The following WASHC2C variants were observed in gnomAD, a reference collection of about 807,000 sequenced individuals.
WASHC2C encodes the protein WASH complex subunit 2C, also known as Vaccinia Penetration Factor.
A neutral mutation model predicts 142.2 loss-of-function variants in WASHC2C; 73 were observed. The observed-to-expected ratio is 0.51, with a 90% CI of 0.43 to 0.62. The LOEUF is 0.62. Among genes scored for constraint, WASHC2C ranks in the 20% least tolerant of loss-of-function variants. The pLI, the probability that WASHC2C is intolerant of heterozygous loss-of-function variation, is 0.00. For synonymous variants in WASHC2C, 337 were observed against 565.5 expected, an observed-to-expected ratio of 0.60 and a Z score of 5.73; for missense variants, 969 against 1,531.7, an observed-to-expected ratio of 0.63 and a Z score of 6.13.
intron 26 of WASHC2C, chr10:45,785,836 T>C: frequency 1.0e-6 from 1 of 980,440 alleles, no homozygotes; most frequent in African/African-American, 1.7e-5. Flanking sequence ...ATCTATACTT[T>C]AATAGTTAGT....
chr10:45,733,729 T>TA (rs1215774378), intron 3 of WASHC2C, among the ~76,000 whole-genome samples: 3 of 152,222 alleles, frequency 2.0e-5, no homozygotes, highest in East Asian at 3.9e-4. Context: ...TGCCAGGTCT[T>TA]AAAGTCTCAC....
chr10:45,780,690 A>G (rs1468488610), intron 23 of WASHC2C, among the ~76,000 whole-genome samples: 2 of 152,010 alleles, frequency 1.3e-5, no homozygotes, highest in Admixed American at 6.6e-5. Flanking sequence ...GTGAAAACCA[A>G]TTGTAGTTCT....
intron 11 of WASHC2C, 134 bp downstream of exon 11, chr10:45,751,687 A>T: frequency 1.3e-6 from 2 of 1,512,846 alleles, no homozygotes; most frequent in African/African-American, 1.4e-5. Context: ...TACTTTTCTA[A>T]AGCCTCTGGG....
rs2055742678 is a variant in WASHC2C, at chr10:45,765,889, A to G, written c.1869+79A>G. The G allele has an allele frequency of 9.5e-6, 15 of 1,586,536 alleles. No homozygotes were observed. The South Asian group carries it at 1.3e-4, about 13-fold the overall frequency. On this transcript the variant is annotated intron_variant, in intron 19 of 30. Transcript: ENST00000623400. The stretch of plus-strand genomic sequence containing the variant: ...TTAAAGCCATCCCAAGTCTTTTTCT[A>G]CCTGTTTTATATCTCGTGATGTTCA...
chr10:45,757,525 C>CT (rs1335143089), intron 16 of WASHC2C, among the ~76,000 whole-genome samples: 1 of 151,830 alleles, frequency 6.6e-6, no homozygotes. Context: ...AGCTGTGAGA[C>CT]TAACAGTAAT....
chr10:45,728,558 G>A (rs2050178717), intron 2 of WASHC2C, among the ~76,000 whole-genome samples: 1 of 151,552 alleles, frequency 6.6e-6, no homozygotes, highest in Admixed American at 6.6e-5. Context: ...CCAACATGGT[G>A]AAACCCCGTC....
chr10:45,775,680 ATT>A (rs569006368), intron 21 of WASHC2C, among the ~76,000 whole-genome samples: 1 of 132,972 alleles, frequency 7.5e-6, no homozygotes. Flanking sequence ...TTTGCATTGA[ATT>A]TTTTTTTTTT....
At chr10:45,751,261 A>G (rs1344389309) in intron 10 of WASHC2C, among the ~76,000 whole-genome samples, 1 of 150,918 alleles carries the variant, frequency 6.6e-6, no homozygotes, top group African/African-American at 2.4e-5. Context: ...TGTTATGCAC[A>G]TGAGCCTGGT....
Position 45,792,908 on chromosome 10 carries a change from C to T in WASHC2C, c.*508C>T, listed in dbSNP as rs1395204360. 1 of 469,122 alleles carries T rather than the reference C, an allele frequency of 2.1e-6. No homozygotes were observed. Among genetic ancestry groups the T allele is most frequent in the East Asian group, 7.0e-5 (1 of 14,362 alleles). 29.1% of individuals were successfully genotyped at this position (469,122 alleles called of 1,614,324 possible). ...GTCCTCCAAGGCAAAGTTTGGCAAA[C>T]TGTGGCCCCCCCACTGTCATATTTT... On this transcript the variant is annotated 3_prime_UTR_variant, in exon 31 of 31. Coordinates refer to ENST00000623400, the MANE Select transcript of WASHC2C (RefSeq NM_001330074.2).
At chr10:45,733,892 A>G (rs748583608) in intron 3 of WASHC2C, among the ~76,000 whole-genome samples, 33 of 152,164 alleles carry the variant, frequency 2.2e-4, no homozygotes, top group Non-Finnish European at 4.0e-4. Flanking sequence ...TAGCACATAT[A>G]TTCTAAGTCC....
At chr10:45,753,662 G>T (rs1308366623) in intron 13 of WASHC2C, among the ~76,000 whole-genome samples, 1 of 138,650 alleles carries the variant, frequency 7.2e-6, no homozygotes, top group Non-Finnish European at 1.5e-5. Context: ...TGTATTTTTA[G>T]TAGAGACAGG....
intron 13 of WASHC2C, among the ~76,000 whole-genome samples, chr10:45,753,890 G>A (rs1461252470): frequency 1.3e-5 from 2 of 150,816 alleles, no homozygotes; most frequent in East Asian, 3.9e-4. Context: ...GTAGTTCTTG[G>A]GACTTGGGAA....
chr10:45,737,767 A>C (rs1369900758), intron 3 of WASHC2C, among the ~76,000 whole-genome samples: 2 of 150,064 alleles, frequency 1.3e-5, no homozygotes, highest in South Asian at 2.1e-4. Flanking sequence ...TTTGTATTTA[A>C]ATTTTTTTTT....
At chr10:45,777,024 TG>T (rs1193902561) in intron 21 of WASHC2C, among the ~76,000 whole-genome samples, 1 of 151,586 alleles carries the variant, frequency 6.6e-6, no homozygotes, top group Non-Finnish European at 1.5e-5. Flanking sequence ...GAGGGAGGCA[TG>T]GGGGTTGACA....
chr10:45,739,276 A>G (rs1215697892), intron 4 of WASHC2C, among the ~76,000 whole-genome samples: 1 of 150,388 alleles, frequency 6.6e-6, no homozygotes, highest in South Asian at 2.1e-4. Context: ...AAAGACTAAA[A>G]TGCTCGTAGG....
chr10:45,784,254 A>G (rs113067391), intron 23 of WASHC2C, among the ~76,000 whole-genome samples: 1,322 of 67,024 alleles, frequency 0.02, 12 homozygotes, highest in Non-Finnish European at 0.026. Flanking sequence ...GTGTGTGTGT[A>G]TATATATATA....
At chr10:45,739,191 T>C (rs1334192522) in intron 4 of WASHC2C, among the ~76,000 whole-genome samples, 1 of 150,882 alleles carries the variant, frequency 6.6e-6, no homozygotes, top group Non-Finnish European at 1.5e-5. Flanking sequence ...TAACTCAGAA[T>C]CAAGCATATC....
In WASHC2C at chr10:45,791,918, A is replaced by G. The variant is rs1258460921; in HGVS notation, c.3887-343A>G. On this transcript the variant is annotated intron_variant, in intron 30 of 30. Transcript: ENST00000623400. ...TATTTTTATTGCTCTTTTAAAACCC[A>G]GTATGAAAAGAATATCTAAATAAGT... 2.0e-3 allele frequency among the ~76,000 whole-genome samples: 296 copies of G among 146,044 alleles called. 30 individuals carry two copies. Among genetic ancestry groups the G allele is most frequent in the African/African-American group, 5.6e-3 (226 of 40,084 alleles).
chr10:45,780,171 T>G (rs2057386540), intron 23 of WASHC2C, among the ~76,000 whole-genome samples: 1 of 150,420 alleles, frequency 6.6e-6, no homozygotes, highest in Non-Finnish European at 1.5e-5. Context: ...TTATGAGAAG[T>G]GAGATTTACC....
Sources: allele counts gnomAD v4.1 joint callset (sites outside exome capture counted in the v4.1 genomes callset), GRCh38; gene constraint gnomAD v4.1.1; transcripts MANE v1.5; gene names NCBI Gene and HGNC (gene_info 2026-07-23, HGNC 2026-07-21).